Variants in NPSR1 observed in about 807,000 individuals in gnomAD.
NPSR1 encodes neuropeptide S receptor.
Under a neutral mutation model 46.9 loss-of-function variants are expected in NPSR1, and 48 were observed. The observed-to-expected ratio is 1.02, with a 90% CI of 0.81 to 1.30. NPSR1 has a LOEUF of 1.30. Ranked by LOEUF, NPSR1 falls within the 50% of genes most tolerant of loss-of-function variation. The pLI, the probability that NPSR1 is intolerant of heterozygous loss-of-function variation, is 0.00. For synonymous variants in NPSR1, 176 were observed against 168.1 expected, an observed-to-expected ratio of 1.05 and a Z score of -0.36; for missense variants, 450 against 449.5, an observed-to-expected ratio of 1.00 and a Z score of -0.01.
At chr7:34,744,100 G>C (rs778165292) in intron 2 of NPSR1, among the ~76,000 whole-genome samples, 30 of 152,036 alleles carry the variant, frequency 2.0e-4, no homozygotes, top group Non-Finnish European at 3.8e-4. Flanking sequence ...CTGAAGTTCT[G>C]GTGGTGGATT....
chr7:34,709,470 T>C (rs1783161012), intron 2 of NPSR1, among the ~76,000 whole-genome samples: 1 of 152,196 alleles, frequency 6.6e-6, no homozygotes, highest in South Asian at 2.1e-4. Context: ...ATAGTCTGTA[T>C]AGCTAACTCC....
chr7:34,751,701 G>A, intron 2 of NPSR1: 2 of 1,587,334 alleles, frequency 1.3e-6, no homozygotes, highest in Middle Eastern at 1.7e-4. Flanking sequence ...GGAAAGTGGG[G>A]AGCATTGTGG....
chr7:34,663,878 G>A (rs1272064146), intron 1 of NPSR1, among the ~76,000 whole-genome samples: 1 of 152,182 alleles, frequency 6.6e-6, no homozygotes, highest in Admixed American at 6.5e-5. Context: ...GCCCAGTGCT[G>A]ACTTGTTTCT....
intron 8 of NPSR1, among the ~76,000 whole-genome samples, chr7:34,873,296 A>T (rs1290669917): frequency 1.3e-5 from 2 of 151,726 alleles, no homozygotes; most frequent in African/African-American, 4.9e-5. Context: ...ATCTCTGCCC[A>T]TTACCCAGTT....
At chr7:34,670,765 T>C (rs1792009548) in intron 1 of NPSR1, among the ~76,000 whole-genome samples, 1 of 151,978 alleles carries the variant, frequency 6.6e-6, no homozygotes, top group Admixed American at 6.6e-5. Context: ...TGAAAAAATA[T>C]TGTTTATTAG....
intron 2 of NPSR1, chr7:34,718,912 G>C (rs548553870): frequency 1.3e-5 from 2 of 152,312 alleles, no homozygotes; most frequent in African/African-American, 4.8e-5. Flanking sequence ...GAAAGATTGG[G>C]AGATAATCAT....
At chr7:34,834,229 T>C (rs1790260834) in intron 5 of NPSR1, 155 bp from the exon 6 acceptor site, 1 of 627,872 alleles carries the variant, frequency 1.6e-6, no homozygotes. Context: ...CACTTTCAGT[T>C]GCAATTCTAT....
intron 2 of NPSR1, among the ~76,000 whole-genome samples, chr7:34,773,456 A>G (rs959046327): frequency 2.0e-5 from 3 of 152,184 alleles, no homozygotes; most frequent in Non-Finnish European, 2.9e-5. Flanking sequence ...AAGCCCCCAG[A>G]TAACAGTTAG....
At chr7:34,684,797 G>A in intron 2 of NPSR1, 113 bp downstream of exon 2, 1 of 868,964 alleles carries the variant, frequency 1.2e-6, no homozygotes, top group South Asian at 2.2e-5. Context: ...GTCAATTTGG[G>A]AATAATTTCT....
chr7:34,772,469 C>T (rs1460031215), intron 2 of NPSR1, among the ~76,000 whole-genome samples: 1 of 152,102 alleles, frequency 6.6e-6, no homozygotes, highest in Non-Finnish European at 1.5e-5. Flanking sequence ...GCACAGAAAC[C>T]ACAAATCTCT....
chr7:34,754,216 C>T (rs745479007), intron 2 of NPSR1, among the ~76,000 whole-genome samples: 8 of 151,934 alleles, frequency 5.3e-5, no homozygotes, highest in East Asian at 1.9e-4. Flanking sequence ...AACTTGCTCT[C>T]GGGAAATAAA....
intron 2 of NPSR1, among the ~76,000 whole-genome samples, chr7:34,740,099 G>C (rs906774264): frequency 6.6e-6 from 1 of 152,046 alleles, no homozygotes; most frequent in Non-Finnish European, 1.5e-5. Context: ...GGGTAATTAT[G>C]GTGTGGTTCC....
Position 34,684,695 on chromosome 7 carries a change from A to G in NPSR1, c.280+11A>G, listed in dbSNP as rs777154073. Reference sequence around the variant, plus strand: ...AGCTGGCCATCACAGGTAAGTAACTATGCAAGTGAGAGGCAGGAAGCTATA... The same window carrying G: ...AGCTGGCCATCACAGGTAAGTAACTGTGCAAGTGAGAGGCAGGAAGCTATA... On this transcript the variant is annotated intron_variant, in intron 2 of 8. Coordinates refer to ENST00000360581, the MANE Select transcript of NPSR1 (RefSeq NM_207172.2). The G allele has an allele frequency of 1.3e-6, 2 of 1,598,678 alleles. No individual in the cohort carries two copies. The highest frequency in any genetic ancestry group is 1.7e-6 in the Non-Finnish European group (2 of 1,172,552).
chr7:34,756,665 A>T (rs1785878115), intron 2 of NPSR1, among the ~76,000 whole-genome samples: 2 of 152,168 alleles, frequency 1.3e-5, no homozygotes, highest in South Asian at 2.1e-4. Context: ...TTTCTTTTTT[A>T]AAAAATATTT....
At chr7:34,705,310 C>T (rs1383827325) in intron 2 of NPSR1, among the ~76,000 whole-genome samples, 2 of 151,798 alleles carry the variant, frequency 1.3e-5, no homozygotes, top group Non-Finnish European at 2.9e-5. Context: ...GCCCGTAATA[C>T]CAGCTACTCA....
chr7:34,850,092 G>T (rs141222587), downstream of NPSR1: 182 of 625,952 alleles, frequency 2.9e-4, no homozygotes, highest in African/African-American at 3.4e-3. Context: ...TGGATTGGAG[G>T]TTCAGTGCTT....
At chr7:34,755,484 A>G (rs982505015) in intron 2 of NPSR1, among the ~76,000 whole-genome samples, 9 of 152,200 alleles carry the variant, frequency 5.9e-5, no homozygotes, top group African/African-American at 2.2e-4. Context: ...TGCTGCGTAT[A>G]GTTGCAGACA....
At chr7:34,772,103 T>C (rs1786713617) in intron 2 of NPSR1, among the ~76,000 whole-genome samples, 1 of 152,206 alleles carries the variant, frequency 6.6e-6, no homozygotes, top group African/African-American at 2.4e-5. Context: ...TGTTTTGTTT[T>C]TCTTAAAGCC....
chr7:34,733,140 G>A (rs72552265), intron 2 of NPSR1, among the ~76,000 whole-genome samples: 7,601 of 152,278 alleles, frequency 0.05, 249 homozygotes, highest in Middle Eastern at 0.078. Flanking sequence ...AATCCATGCA[G>A]GCCAGGTGCA....
Sources: gnomAD v4.1 joint callset for allele counts (sites outside exome capture counted in the v4.1 genomes callset) on GRCh38, gnomAD v4.1.1 for gene constraint, MANE v1.5 for transcripts, NCBI Gene and HGNC (gene_info 2026-07-23, HGNC 2026-07-21) for gene names.